KATNIP: variants seen among roughly 807,000 people sequenced by gnomAD.
KATNIP encodes katanin-interacting protein.
A neutral mutation model predicts 174.0 loss-of-function variants in KATNIP; 126 were observed. The observed-to-expected ratio is 0.72, with a 90% CI of 0.63 to 0.84. The LOEUF (loss-of-function observed/expected upper bound fraction) is 0.84, where lower values mean the gene tolerates loss of function less well. KATNIP is among the 40% of genes least tolerant of loss of function. The pLI is 0.00. For missense variants in KATNIP, 1,958 were observed against 2,109.7 expected, an observed-to-expected ratio of 0.93 and a Z score of 1.41; for synonymous variants, 810 against 835.7, an observed-to-expected ratio of 0.97 and a Z score of 0.53.
chr16:27,621,401 A>G (rs76557437), intron 3 of KATNIP, among the ~76,000 whole-genome samples: 3,322 of 152,162 alleles, frequency 0.022, 136 homozygotes, highest in African/African-American at 0.076. Context: ...GTTTTCCCAT[A>G]TTAGAGCCAT....
chr16:27,648,982 C>T (rs1197992889), intron 6 of KATNIP, among the ~76,000 whole-genome samples: 1 of 152,190 alleles, frequency 6.6e-6, no homozygotes, highest in Admixed American at 6.5e-5. Flanking sequence ...GTCACTAGCA[C>T]ATAGTCCCTG....
In KATNIP at chr16:27,637,756, G is replaced by A. The variant is rs571514304; in HGVS notation, c.408+6594G>A. Among the ~76,000 whole-genome samples, 78 of 152,304 alleles carry A rather than the reference G, an allele frequency of 5.1e-4. No homozygotes were observed. Among genetic ancestry groups the A allele is most frequent in the African/African-American group, 1.9e-3 (77 of 41,568 alleles). On this transcript the variant is annotated intron_variant, in intron 5 of 27. Coordinates refer to ENST00000261588, the MANE Select transcript of KATNIP (RefSeq NM_015202.5). This position sits in a 1 kb window ranked among gnomAD's most constrained non-coding sequence, Gnocchi z 4.7. ...AGAACCGGCCATGCAGGGCCTAGAA[G>A]ACCACAGGAGGAAGTTTGGATTTCA...
intron 6 of KATNIP, among the ~76,000 whole-genome samples, chr16:27,655,226 A>G (rs1294833080): frequency 9.5e-5 from 6 of 63,078 alleles, no homozygotes; most frequent in African/African-American, 3.7e-4. Flanking sequence ...ATATATATAT[A>G]TATTTTGTTT....
intron 2 of KATNIP, among the ~76,000 whole-genome samples, chr16:27,593,214 A>G (rs1596837297): frequency 7.1e-6 from 1 of 140,980 alleles, no homozygotes; most frequent in Admixed American, 7.1e-5. Context: ...TCTGCCCTAA[A>G]CCCCTTAAAC....
At position 27,662,071 on chromosome 16, in the gene KATNIP, T is replaced by C. The variant is rs56276324; in HGVS notation, c.540+13336T>C. On this transcript the variant is annotated intron_variant, in intron 6 of 27. Transcript: ENST00000261588. ...ATACATATATATATATATATATATA[T>C]ACACACATATATATATACACATACA... Among the ~76,000 whole-genome samples, 255 of 57,148 alleles carry C rather than the reference T, an allele frequency of 4.5e-3. 21 individuals are homozygous for C. Among genetic ancestry groups the C allele is most frequent in the Middle Eastern group, 0.019 (2 of 108 alleles). The allele number at this position is 57,148 out of a possible 152,430, so 37.5% of individuals were successfully genotyped here.
intron 18 of KATNIP, among the ~76,000 whole-genome samples, chr16:27,759,951 C>G (rs2081890682): frequency 6.6e-6 from 1 of 152,054 alleles, no homozygotes; most frequent in Admixed American, 6.5e-5. Flanking sequence ...TTTTCATCTG[C>G]CCCAGAGATG....
intron 19 of KATNIP, among the ~76,000 whole-genome samples, chr16:27,762,731 C>T (rs1393373633): frequency 3.9e-5 from 6 of 152,194 alleles, no homozygotes; most frequent in African/African-American, 1.4e-4. Flanking sequence ...CGTGGCCTCA[C>T]CCCCTGCTAT....
intron 1 of KATNIP, among the ~76,000 whole-genome samples, chr16:27,565,622 A>G: frequency 6.6e-6 from 1 of 152,122 alleles, no homozygotes; most frequent in East Asian, 1.9e-4. Context: ...CCCTGTCTCT[A>G]CAAAAGTAAG....
chr16:27,778,079 G>A lies in KATNIP; in HGVS notation c.4801+110G>A, dbSNP rs534219096. The A allele has an allele frequency of 6.5e-5, 59 of 908,204 alleles. No homozygotes were observed. The East Asian group carries it at 6.5e-4, about 10-fold the overall frequency. 56.3% of individuals were successfully genotyped at this position (908,204 alleles called of 1,614,324 possible). On this transcript the variant is annotated intron_variant, in intron 27 of 27. Coordinates refer to ENST00000261588, the MANE Select transcript of KATNIP (RefSeq NM_015202.5). ...CCTCACCCCTGCCTGCCCCTAGACCGCTCTCCTCTGCCCAGGAGCCTGCCC... is the reference window on the plus strand; with the variant it reads ...CCTCACCCCTGCCTGCCCCTAGACCACTCTCCTCTGCCCAGGAGCCTGCCC...
rs570289926 is a variant in KATNIP, at chr16:27,667,619, G to A, written c.541-10110G>A. On this transcript the variant is annotated intron_variant, in intron 6 of 27. Coordinates refer to ENST00000261588, the MANE Select transcript of KATNIP (RefSeq NM_015202.5). ...CTGGCCTTTCTGCCTGCATGTCAGT[G>A]ATCTCTACCCCCAAGACTGCTGCTA... Among the ~76,000 whole-genome samples the A allele has an allele frequency of 1.5e-4, 23 of 152,228 alleles. No homozygotes were observed. In the South Asian group the frequency reaches 3.5e-3, roughly 23 times the overall value.
At chr16:27,591,294 C>T (rs2075155897) in intron 2 of KATNIP, among the ~76,000 whole-genome samples, 1 of 152,046 alleles carries the variant, frequency 6.6e-6, no homozygotes, top group Non-Finnish European at 1.5e-5. Context: ...AAGCAATTCT[C>T]CTGCCCCAGC....
At chr16:27,699,352 T>C in intron 9 of KATNIP, 182 bp from the exon 10 acceptor site, 1 of 723,432 alleles carries the variant, frequency 1.4e-6, no homozygotes, top group Middle Eastern at 7.0e-4. Flanking sequence ...GGTTGATCTT[T>C]GGGGCATCCA....
chr16:27,568,484 T>TC (rs2090169623), intron 1 of KATNIP, among the ~76,000 whole-genome samples: 1 of 152,156 alleles, frequency 6.6e-6, no homozygotes, highest in African/African-American at 2.4e-5. Context: ...GTTTTTTTTT[T>TC]TGAGACCAAG....
At chr16:27,696,759 A>T (rs542391489) in intron 8 of KATNIP, among the ~76,000 whole-genome samples, 27 of 140,774 alleles carry the variant, frequency 1.9e-4, no homozygotes, top group Non-Finnish European at 3.8e-4. Flanking sequence ...ACAGAGTTTC[A>T]CTCTTGTTGC....
At chr16:27,735,992 A>G (rs771195875) in intron 14 of KATNIP, among the ~76,000 whole-genome samples, 6 of 152,076 alleles carry the variant, frequency 3.9e-5, no homozygotes, top group African/African-American at 7.2e-5. Context: ...TTCATTTGCT[A>G]TTCCAAAGTA....
At position 27,773,184 on chromosome 16, in the gene KATNIP, A is replaced by G; in HGVS notation, c.4284A>G (p.Gly1428=). 1 of 1,611,262 alleles carries G rather than the reference A, an allele frequency of 6.2e-7. No individual in the cohort carries two copies. The highest frequency in any genetic ancestry group is 8.5e-7 in the Non-Finnish European group (1 of 1,178,538). ...LTGLELYDER[G]EKIPLSENNI... is the part of the protein sequence containing the mutation. ...GCCTGGAGCTGTATGACGAGCGAGG[A>G]GAAAAAATCCCCTTGTCGGAAAACA... The change falls in exon 23 of 28, where the codon GGA becomes GGG. Residue 1428 remains glycine, a synonymous_variant. Transcript: ENST00000261588.
At chr16:27,675,672 T>C (rs536624177) in intron 6 of KATNIP, among the ~76,000 whole-genome samples, 48 of 152,196 alleles carry the variant, frequency 3.2e-4, no homozygotes, top group Non-Finnish European at 5.9e-4. Context: ...TGTAGAATTT[T>C]GGGGAGTCTG....
chr16:27,664,890 G>A (rs2077631310), intron 6 of KATNIP, among the ~76,000 whole-genome samples: 1 of 152,130 alleles, frequency 6.6e-6, no homozygotes, highest in African/African-American at 2.4e-5. Context: ...GTGTAGGTGA[G>A]TTCAGCATCA....
At chr16:27,684,115 C>T (rs1481647584) in intron 8 of KATNIP, among the ~76,000 whole-genome samples, 2 of 152,310 alleles carry the variant, frequency 1.3e-5, no homozygotes, top group Non-Finnish European at 1.5e-5. Flanking sequence ...ACTTACAAAG[C>T]ACTGAACTAG....
Sources: gnomAD v4.1 joint callset for allele counts (sites outside exome capture counted in the v4.1 genomes callset) on GRCh38, gnomAD v4.1.1 for gene constraint, Gnocchi (gnomAD v3.1) non-coding constraint, MANE v1.5 for transcripts, NCBI Gene and HGNC (gene_info 2026-07-23, HGNC 2026-07-21) for gene names.